The following NCAPD3 variants were observed in gnomAD, a reference collection of about 807,000 sequenced individuals.
NCAPD3 encodes condensin-2 complex subunit D3.
A neutral mutation model predicts 182.9 loss-of-function variants in NCAPD3; 105 were observed. That is an observed-to-expected ratio of 0.57 (90% CI 0.49 to 0.68). NCAPD3 has a LOEUF of 0.68. Among genes scored for constraint, NCAPD3 ranks in the 30% least tolerant of loss-of-function variants. The pLI, the probability that NCAPD3 is intolerant of heterozygous loss-of-function variation, is 0.00. For synonymous variants in NCAPD3, 815 were observed against 679.9 expected (o/e 1.20, Z -3.09); for missense variants, 1,944 against 1,837.0 (o/e 1.06, Z -1.07).
rs1486870023 is a variant in NCAPD3 at position 134,194,153 on chromosome 11, A to C, written c.1690-3T>G. ...TGTTTCAAAATACTCACTAATACCT[A>C]GAAGGCATAGACGCAACATGAACTG... On this transcript the variant is annotated splice_region_variant and splice_polypyrimidine_tract_variant and intron_variant, in intron 14 of 34. Coordinates refer to ENST00000534548, the MANE Select transcript of NCAPD3 (RefSeq NM_015261.3). 6.2e-7 allele frequency: 1 copy of C among 1,613,540 alleles called. No homozygotes were observed. The highest frequency in any genetic ancestry group is 8.5e-7 in the Non-Finnish European group (1 of 1,179,704).
intron 28 of NCAPD3, among the ~76,000 whole-genome samples, chr11:134,160,544 C>A (rs1339466858): frequency 2.6e-5 from 4 of 152,158 alleles, no homozygotes; most frequent in African/African-American, 9.7e-5. Context: ...CCCATTGGCT[C>A]TCAGGGGATT....
chr11:134,161,730 A>G, intron 28 of NCAPD3, 51 bp downstream of exon 28: 1 of 1,091,166 alleles, frequency 9.2e-7, no homozygotes, highest in Middle Eastern at 2.0e-4. Flanking sequence ...GAAGATCCTA[A>G]GTAATGAACT....
intron 19 of NCAPD3, 86 bp from the exon 20 acceptor site, chr11:134,181,270 G>C (rs572301386): frequency 2.2e-5 from 19 of 874,548 alleles, no homozygotes; most frequent in Non-Finnish European, 3.5e-5. Flanking sequence ...AAGAAACTAT[G>C]ATCTTCAAAT....
intron 4 of NCAPD3, among the ~76,000 whole-genome samples, chr11:134,209,900 G>A (rs1324421400): frequency 6.6e-6 from 1 of 151,948 alleles, no homozygotes; most frequent in Non-Finnish European, 1.5e-5. Context: ...ACAAAAAAAT[G>A]CAAAAATTGG....
intron 32 of NCAPD3, among the ~76,000 whole-genome samples, chr11:134,155,505 A>G (rs1374348725): frequency 6.6e-6 from 1 of 152,112 alleles, no homozygotes; most frequent in African/African-American, 2.4e-5. Flanking sequence ...CTACCAACTC[A>G]ATGACACCGG....
intron 14 of NCAPD3, 38 bp from the exon 15 acceptor site, chr11:134,194,188 T>G: frequency 1.3e-6 from 2 of 1,592,548 alleles, no homozygotes; most frequent in Non-Finnish European, 1.7e-6. Context: ...GTTAACTGCA[T>G]AGCATCAACT....
In NCAPD3 at chr11:134,184,914, T is replaced by C; in HGVS notation, c.2324A>G (p.Asp775Gly). The C allele has an allele frequency of 6.2e-7, 1 of 1,611,578 alleles. No homozygotes were observed. Among genetic ancestry groups the C allele is most frequent in the Non-Finnish European group, 8.5e-7 (1 of 1,177,744 alleles). Reference protein sequence around the residue: ...IAKHLPKSTRDKVTDAVKCKL... With the variant: ...IAKHLPKSTRGKVTDAVKCKL... ...CAGCAGACACTCACCAGTCACTTTG[T>C]CCCGGGTGCTCTTAGGAAGATGCTT... Residue 775 changes from aspartate (D) to glycine (G), a missense_variant, in exon 18 of 35, where the codon GAC (aspartate) becomes GGC (glycine). Physicochemically the swap from Asp to Gly is moderately conservative, Grantham distance 94 (BLOSUM62 -1). This residue lies in a region of NCAPD3 where 1,803 missense variants were observed against 1,674.6 expected (regional missense o/e 1.08). Coordinates refer to ENST00000534548, the MANE Select transcript of NCAPD3 (RefSeq NM_015261.3).
rs1244317521 is a variant in NCAPD3 at position 134,177,423 on chromosome 11, C to T, written c.2817G>A (p.Lys939=). 1 of 1,614,132 alleles carries T rather than the reference C, an allele frequency of 6.2e-7. No individual in the cohort carries two copies. The highest frequency in any genetic ancestry group is 1.7e-5 in the Admixed American group (1 of 60,032). The change falls in exon 23 of 35, where the codon AAG becomes AAA. Residue 939 remains lysine, a synonymous_variant. Transcript: ENST00000534548. The part of the protein sequence containing the change: ...KLCLQHEDLA[K]KSIPALVREL... ...CTCGCACCAGGGCTGGGATGCTCTT[C>T]TTTGCCAGATCCTCGTGCTGTAAGC...
chr11:134,204,021 G>C lies in NCAPD3; in HGVS notation c.1215+25C>G. The C allele has an allele frequency of 2.5e-6, 4 of 1,609,880 alleles. No individual in the cohort carries two copies. Among genetic ancestry groups the C allele is most frequent in the Non-Finnish European group, 3.4e-6 (4 of 1,178,412 alleles). ...TAAAAAGAGTTTAAAAAGGACCCAA[G>C]GTTTTATGCAGAGCTATCTCCTACC... On this transcript the variant is annotated intron_variant, in intron 10 of 34. Coordinates refer to ENST00000534548, the MANE Select transcript of NCAPD3 (RefSeq NM_015261.3). This position sits in a 1 kb window ranked among gnomAD's most constrained non-coding sequence, Gnocchi z 4.3.
intron 24 of NCAPD3, among the ~76,000 whole-genome samples, chr11:134,175,945 CTT>C (rs1026247581): frequency 1.3e-4 from 18 of 142,826 alleles, no homozygotes; most frequent in Non-Finnish European, 1.1e-4. Flanking sequence ...TCAAAATTAA[CTT>C]TTTTTTTTTT....
chr11:134,204,056 C>A lies in NCAPD3; in HGVS notation c.1205G>T (p.Arg402Leu), dbSNP rs200381354. ...AGAGCTATCTCCTACCTTGGAACTT[C>A]GGGAGTATTTGTAAAGCCAGGCAAT... is the stretch of plus-strand genomic sequence containing the variant. ...MFIAWLYKYS[R>L]SSKIPHRVFT... The change falls in exon 10 of 35, where the codon CGA becomes CTA. Residue 402 changes from arginine to leucine, a missense_variant. Coordinates refer to ENST00000534548, the MANE Select transcript of NCAPD3 (RefSeq NM_015261.3). The surrounding 1 kb of genome is among the most constrained non-coding windows in gnomAD (Gnocchi z 4.3). 1 of 1,614,096 alleles carries A rather than the reference C, an allele frequency of 6.2e-7. No individual in the cohort carries two copies. The highest frequency in any genetic ancestry group is 8.5e-7 in the Non-Finnish European group (1 of 1,180,004).
intron 32 of NCAPD3, among the ~76,000 whole-genome samples, chr11:134,156,662 C>A (rs1943427548): frequency 6.6e-6 from 1 of 152,118 alleles, no homozygotes; most frequent in Non-Finnish European, 1.5e-5. Flanking sequence ...TGGGAGCAGG[C>A]CCACCCAGCA....
At chr11:134,195,970 C>T (rs1450284591) in intron 13 of NCAPD3, among the ~76,000 whole-genome samples, 7 of 152,110 alleles carry the variant, frequency 4.6e-5, no homozygotes, top group African/African-American at 1.7e-4. Flanking sequence ...GTTCCCAAAA[C>T]ACACTTTGGG....
Position 134,151,767 on chromosome 11 carries a change from C to T in NCAPD3, c.*1177G>A, listed in dbSNP as rs937891187. Reference sequence around the variant, plus strand: ...AAAAAAACCCAAACATTGCTTCATTCTTTGTTATTTGCTCTTACGTTGGGT... The same window carrying T: ...AAAAAAACCCAAACATTGCTTCATTTTTTGTTATTTGCTCTTACGTTGGGT... On this transcript the variant is annotated 3_prime_UTR_variant, in exon 35 of 35. Coordinates refer to ENST00000534548, the MANE Select transcript of NCAPD3 (RefSeq NM_015261.3). 2.0e-5 allele frequency: 3 copies of T among 152,150 alleles called. No individual in the cohort carries two copies. The highest frequency in any genetic ancestry group is 4.4e-5 in the Non-Finnish European group (3 of 68,020). 9.4% of individuals were successfully genotyped at this position (152,150 alleles called of 1,614,324 possible). A position where few individuals can be genotyped will look rare whatever the true frequency, so the allele number is the denominator to read the frequency against.
At chr11:134,201,543 A>G (rs1005491534) in intron 13 of NCAPD3, among the ~76,000 whole-genome samples, 2 of 152,226 alleles carry the variant, frequency 1.3e-5, no homozygotes, top group African/African-American at 4.8e-5. Context: ...AATAAGAAAA[A>G]GCAAAGAGAG....
intron 1 of NCAPD3, chr11:134,223,303 G>C: frequency 3.1e-6 from 2 of 644,140 alleles, no homozygotes; most frequent in Non-Finnish European, 5.7e-6. Flanking sequence ...ATCAGGAATG[G>C]AGCGGGGCTG....
intron 24 of NCAPD3, among the ~76,000 whole-genome samples, chr11:134,170,418 G>T (rs1451046094): frequency 2.6e-5 from 4 of 152,028 alleles, no homozygotes; most frequent in African/African-American, 9.7e-5. Context: ...GGGTTACTTT[G>T]GTAAACCATC....
In NCAPD3 at chr11:134,158,078, C is replaced by T; in HGVS notation, c.4035-11G>A. 2 of 1,611,436 alleles carry T rather than the reference C, an allele frequency of 1.2e-6. No individual in the cohort carries two copies. The highest frequency in any genetic ancestry group is 1.7e-6 in the Non-Finnish European group (2 of 1,178,508). On this transcript the variant is annotated splice_polypyrimidine_tract_variant and intron_variant, in intron 30 of 34. Transcript: ENST00000534548. Reference sequence around the variant, plus strand: ...CTCAGGGACATGGGCCTGTGGAGAACAGCCACAGCCGCTGACTTTCTCACT... The same window carrying T: ...CTCAGGGACATGGGCCTGTGGAGAATAGCCACAGCCGCTGACTTTCTCACT...
intron 31 of NCAPD3, 64 bp from the exon 32 acceptor site, chr11:134,157,159 C>T: frequency 1.5e-6 from 2 of 1,324,832 alleles, no homozygotes; most frequent in Non-Finnish European, 2.1e-6. Context: ...GCAAAACAAC[C>T]ACATGAGAAA....
Sources: gnomAD v4.1 joint callset for allele counts (sites outside exome capture counted in the v4.1 genomes callset) on GRCh38, gnomAD v4.1.1 for gene constraint, gnomAD v4.1.1 regional missense constraint, Gnocchi (gnomAD v3.1) non-coding constraint, MANE v1.5 for transcripts, NCBI Gene and HGNC (gene_info 2026-07-23, HGNC 2026-07-21) for gene names.